IGF1R: variants seen among roughly 807,000 people sequenced by gnomAD.
IGF1R encodes insulin-like growth factor 1 receptor.
In IGF1R, 44 loss-of-function variants were observed where a neutral mutation model predicts 144.6. That is an observed-to-expected ratio of 0.30 (90% CI 0.24 to 0.39). IGF1R has a LOEUF of 0.39. Among genes scored for constraint, IGF1R ranks in the 10% least tolerant of loss-of-function variants. The pLI, the probability that IGF1R is intolerant of heterozygous loss-of-function variation, is 1.00. For missense variants in IGF1R, 1,355 were observed against 1,833.7 expected (o/e 0.74, Z 4.77); for synonymous variants, 795 against 722.8 (o/e 1.10, Z -1.60).
At position 98,844,471 on chromosome 15, in the gene IGF1R, G is replaced by A. The variant is rs145589128; in HGVS notation, c.641-46854G>A. On this transcript the variant is annotated intron_variant, in intron 2 of 20. Coordinates refer to ENST00000650285, the MANE Select transcript of IGF1R (RefSeq NM_000875.5). ...CTATTTACGGTTTGGGGTAGGGGGC[G>A]TGTCATGCCATACAGCTAAATACAC... 3.5e-3 allele frequency among the ~76,000 whole-genome samples: 536 copies of A among 152,172 alleles called. 4 individuals are homozygous for A. Among genetic ancestry groups the A allele is most frequent in the African/African-American group, 0.011 (469 of 41,502 alleles).
intron 2 of IGF1R, among the ~76,000 whole-genome samples, chr15:98,728,012 T>TTTG (rs1463987043): frequency 3.7e-4 from 56 of 149,952 alleles, no homozygotes; most frequent in African/African-American, 1.3e-3. Flanking sequence ...GCATTGTTTT[T>TTTG]TTTTTTTTTT....
intron 1 of IGF1R, among the ~76,000 whole-genome samples, chr15:98,691,594 C>A (rs2053478496): frequency 6.6e-6 from 1 of 152,032 alleles, no homozygotes; most frequent in Non-Finnish European, 1.5e-5. Flanking sequence ...GAACTCCTGA[C>A]CTCGGGTGAT....
At chr15:98,709,928 A>T (rs2311770) in intron 2 of IGF1R, among the ~76,000 whole-genome samples, 17,643 of 152,130 alleles carry the variant, frequency 0.12, 3,151 homozygotes, top group African/African-American at 0.38. Flanking sequence ...TGAGCTACTG[A>T]TTGAAGACCC....
chr15:98,898,467 CTGCCCCACG>C (rs2151655248), intron 4 of IGF1R, among the ~76,000 whole-genome samples: 1 of 152,328 alleles, frequency 6.6e-6, no homozygotes, highest in East Asian at 1.9e-4. Context: ...GGCATGCTTC[CTGCCCCACG>C]TTTAAAATTC....
chr15:98,887,040 G>A (rs894896326), intron 2 of IGF1R, among the ~76,000 whole-genome samples: 1 of 152,150 alleles, frequency 6.6e-6, no homozygotes, highest in Admixed American at 6.5e-5. Flanking sequence ...CTTATGCATA[G>A]TTTGCATCAT....
chr15:98,779,983 G>C (rs554967741), intron 2 of IGF1R, among the ~76,000 whole-genome samples: 3 of 152,066 alleles, frequency 2.0e-5, no homozygotes, highest in Non-Finnish European at 2.9e-5. Context: ...CTCTGGCTCC[G>C]GGATGTCAGC....
intron 2 of IGF1R, among the ~76,000 whole-genome samples, chr15:98,850,534 A>G (rs542971681): frequency 1.3e-5 from 2 of 152,260 alleles, no homozygotes; most frequent in Non-Finnish European, 2.9e-5. Flanking sequence ...AGAGGTTGCA[A>G]CGAGGCCTCT....
intron 1 of IGF1R, among the ~76,000 whole-genome samples, chr15:98,674,015 G>A (rs1453010263): frequency 2.6e-5 from 4 of 152,214 alleles, no homozygotes; most frequent in Non-Finnish European, 4.4e-5. Flanking sequence ...TTGGCAGAGT[G>A]AATGAGTGGT....
chr15:98,847,411 C>T (rs764024283), intron 2 of IGF1R, among the ~76,000 whole-genome samples: 11 of 152,190 alleles, frequency 7.2e-5, no homozygotes, highest in Non-Finnish European at 1.5e-4. Context: ...AGTGTACCAT[C>T]TGGAAAGGAA....
At chr15:98,934,362 C>A (rs1204846933) in intron 15 of IGF1R, among the ~76,000 whole-genome samples, 1 of 152,170 alleles carries the variant, frequency 6.6e-6, no homozygotes, top group African/African-American at 2.4e-5. Flanking sequence ...AAGAACTCTT[C>A]CCTCTCCCTA....
At position 98,948,695 on chromosome 15, in the gene IGF1R, T is replaced by A. The variant is rs757046261; in HGVS notation, c.3709T>A (p.Cys1237Ser). The A allele has an allele frequency of 1.8e-5, 29 of 1,614,038 alleles. No homozygotes were observed. The Admixed American group carries it at 4.7e-4, about 26-fold the overall frequency. ...CGGCCTTCTGGACAAGCCAGACAACTGTCCTGACATGCTGTACGTACTTCC... is the reference window on the plus strand; with the variant it reads ...CGGCCTTCTGGACAAGCCAGACAACAGTCCTGACATGCTGTACGTACTTCC... ...EGGLLDKPDN[C>S]PDMLFELMRM... The change falls in exon 20 of 21, where the codon TGT becomes AGT. Residue 1237 changes from cysteine to serine, a missense_variant. Physicochemically the swap from Cys to Ser is moderately radical, Grantham distance 112. Transcript: ENST00000650285.
At chr15:98,911,554 A>C in intron 7 of IGF1R, 113 bp downstream of exon 7, 1 of 1,402,512 alleles carries the variant, frequency 7.1e-7, no homozygotes, top group Non-Finnish European at 1.0e-6. Context: ...CAGAGTCCCC[A>C]GGGAGAGCCA....
intron 2 of IGF1R, among the ~76,000 whole-genome samples, chr15:98,756,904 G>C (rs2055169344): frequency 6.6e-6 from 1 of 151,866 alleles, no homozygotes; most frequent in South Asian, 2.1e-4. Flanking sequence ...TTTTTCTTTT[G>C]CTTACCTTTT....
Position 98,782,187 on chromosome 15 carries a change from C to G in IGF1R, c.640+74080C>G, listed in dbSNP as rs139918477. ...AGAATTGAATTTGTGAGTCCCTAATCTAGACACTTTTAAAGAAGAAACAAA... is the reference window on the plus strand; with the variant it reads ...AGAATTGAATTTGTGAGTCCCTAATGTAGACACTTTTAAAGAAGAAACAAA... On this transcript the variant is annotated intron_variant, in intron 2 of 20. Transcript: ENST00000650285. 2.3e-3 allele frequency among the ~76,000 whole-genome samples: 353 copies of G among 152,218 alleles called. 2 individuals carry two copies. Among genetic ancestry groups the G allele is most frequent in the African/African-American group, 8.1e-3 (335 of 41,536 alleles).
chr15:98,731,408 G>A (rs545106584), intron 2 of IGF1R, among the ~76,000 whole-genome samples: 1 of 152,188 alleles, frequency 6.6e-6, no homozygotes, highest in South Asian at 2.1e-4. Context: ...TTTTTAAAAG[G>A]GTTCCATTTT....
chr15:98,735,598 GGAA>G (rs1379090440), intron 2 of IGF1R, among the ~76,000 whole-genome samples: 1 of 152,234 alleles, frequency 6.6e-6, no homozygotes, highest in African/African-American at 2.4e-5. Context: ...GCCTCAGTAA[GGAA>G]GAAGGAGGAC....
At chr15:98,675,857 G>A (rs1389285688) in intron 1 of IGF1R, among the ~76,000 whole-genome samples, 3 of 113,734 alleles carry the variant, frequency 2.6e-5, no homozygotes, top group African/African-American at 1.1e-4. Flanking sequence ...AGAGAGTCTC[G>A]CTCTGTTGCT....
chr15:98,762,386 C>T (rs2055327633), intron 2 of IGF1R, among the ~76,000 whole-genome samples: 2 of 152,006 alleles, frequency 1.3e-5, no homozygotes, highest in South Asian at 4.1e-4. Flanking sequence ...CCTCGTGATT[C>T]TATTACTTGT....
chr15:98,753,444 G>A (rs1039070803), intron 2 of IGF1R, among the ~76,000 whole-genome samples: 1 of 140,804 alleles, frequency 7.1e-6, no homozygotes, highest in Non-Finnish European at 1.5e-5. Context: ...TGTTGCCCAG[G>A]CTTGTCTCGA....
Sources: allele counts gnomAD v4.1 joint callset (sites outside exome capture counted in the v4.1 genomes callset), GRCh38; gene constraint gnomAD v4.1.1; transcripts MANE v1.5; gene names NCBI Gene and HGNC (gene_info 2026-07-23, HGNC 2026-07-21).